CFAP69: variants seen among roughly 807,000 people sequenced by gnomAD.
CFAP69 encodes the protein cilia- and flagella-associated protein 69.
Under a neutral mutation model 123.0 loss-of-function variants are expected in CFAP69, and 92 were observed. The ratio of observed to expected loss-of-function variants is 0.75; its 90% CI spans 0.63 to 0.89. The LOEUF (loss-of-function observed/expected upper bound fraction) is 0.89, where lower values mean the gene tolerates loss of function less well. CFAP69 is among the 40% of genes least tolerant of loss of function. CFAP69 has a pLI of 0.00. For synonymous variants in CFAP69, 380 were observed against 364.3 expected, an observed-to-expected ratio of 1.04 and a Z score of -0.49; for missense variants, 1,067 against 1,096.9, an observed-to-expected ratio of 0.97 and a Z score of 0.39.
intron 4 of CFAP69, among the ~76,000 whole-genome samples, chr7:90,262,408 T>C (rs1798454611): frequency 6.6e-6 from 1 of 152,164 alleles, no homozygotes; most frequent in African/African-American, 2.4e-5. Context: ...TTTTTCTCTG[T>C]CTTTAGAAAA....
At chr7:90,273,280 A>G (rs1449954889) in intron 8 of CFAP69, among the ~76,000 whole-genome samples, 1 of 152,184 alleles carries the variant, frequency 6.6e-6, no homozygotes, top group East Asian at 1.9e-4. Context: ...ACAGGCTACA[A>G]TGGTGAGAGA....
chr7:90,249,245 G>T (rs1796685937), intron 1 of CFAP69, among the ~76,000 whole-genome samples: 1 of 150,868 alleles, frequency 6.6e-6, no homozygotes, highest in Non-Finnish European at 1.5e-5. Flanking sequence ...CTTCCTCTTT[G>T]CTCTCTCTCT....
intron 6 of CFAP69, chr7:90,270,025 A>G (rs1449610520): frequency 6.6e-6 from 1 of 152,168 alleles, no homozygotes; most frequent in Admixed American, 6.6e-5. Flanking sequence ...AAAAAGGAGT[A>G]TTATGGGGCA....
At chr7:90,273,517 G>A (rs1241269635) in intron 8 of CFAP69, among the ~76,000 whole-genome samples, 1 of 152,146 alleles carries the variant, frequency 6.6e-6, no homozygotes, top group Non-Finnish European at 1.5e-5. Flanking sequence ...ATTTGGAAGT[G>A]TAAAAAATAT....
At chr7:90,292,300 A>G (rs1791321024) in intron 15 of CFAP69, among the ~76,000 whole-genome samples, 1 of 152,112 alleles carries the variant, frequency 6.6e-6, no homozygotes. Context: ...AGGTCCCAAG[A>G]TAACTTGGGG....
chr7:90,307,114 A>G lies in CFAP69; in HGVS notation c.2463+16A>G, dbSNP rs1173777587. 6.3e-7 allele frequency: 1 copy of G among 1,597,492 alleles called. No homozygotes were observed. ...ATATGCAAAAGTAAGCTACATAGGT[A>G]GTGAGGAGGGAGAATGAAGATAGGT... On this transcript the variant is annotated intron_variant, in intron 20 of 22. Coordinates refer to ENST00000389297, the MANE Select transcript of CFAP69 (RefSeq NM_001039706.3).
rs1374702276 is a variant in CFAP69, at chr7:90,310,821, AGG to A, written c.*585_*586del. 1 of 152,278 alleles carries A rather than the reference AGG, an allele frequency of 6.6e-6. No individual in the cohort carries two copies. Among genetic ancestry groups the A allele is most frequent in the East Asian group, 1.9e-4 (1 of 5,202 alleles). The allele number at this position is 152,278 out of a possible 1,614,324, so 9.4% of individuals were successfully genotyped here. A position where few individuals can be genotyped will look rare whatever the true frequency, so the allele number is the denominator to read the frequency against. On this transcript the variant is annotated 3_prime_UTR_variant, in exon 23 of 23. Transcript: ENST00000389297. ...ACTGCCTATTCCTGGAGCCAGAAGC[AGG>A]GCAACTCCATCCAAAACATATGGAT...
intron 1 of CFAP69, among the ~76,000 whole-genome samples, chr7:90,247,920 G>A (rs1796530266): frequency 6.6e-6 from 1 of 152,174 alleles, no homozygotes. Context: ...AACTTATAGA[G>A]AGACCTATAT....
At position 90,258,095 on chromosome 7, in the gene CFAP69, T is replaced by C; in HGVS notation, c.181-3T>C. ...AAGAACTAAAATAGGTGATCTGTTTTAGGATGGCTTGGAAGAAAAACAACT... is the reference window on the plus strand; with the variant it reads ...AAGAACTAAAATAGGTGATCTGTTTCAGGATGGCTTGGAAGAAAAACAACT... On this transcript the variant is annotated splice_polypyrimidine_tract_variant and splice_region_variant and intron_variant, in intron 2 of 22. Coordinates refer to ENST00000389297, the MANE Select transcript of CFAP69 (RefSeq NM_001039706.3). The C allele has an allele frequency of 6.2e-7, 1 of 1,610,304 alleles. No individual in the cohort carries two copies. The highest frequency in any genetic ancestry group is 1.7e-4 in the Middle Eastern group (1 of 5,738).
intron 1 of CFAP69, among the ~76,000 whole-genome samples, chr7:90,250,223 AGAGAGAGAGAGAC>A (rs1562832534): frequency 5.8e-5 from 7 of 121,478 alleles, no homozygotes; most frequent in African/African-American, 2.2e-4. Flanking sequence ...AGAGAGAGAG[AGAGAGAGAGAGAC>A]TCCTTGGTTG....
chr7:90,304,334 A>G (rs1401982089), intron 18 of CFAP69: 2 of 1,277,932 alleles, frequency 1.6e-6, no homozygotes, highest in African/African-American at 1.5e-5. Flanking sequence ...AGGCAATTCC[A>G]ATGTGCAGAT....
intron 17 of CFAP69, 111 bp from the exon 18 acceptor site, chr7:90,303,858 A>G (rs1236085095): frequency 7.7e-7 from 1 of 1,304,588 alleles, no homozygotes; most frequent in Non-Finnish European, 9.9e-7. Context: ...TTTTTTTGCT[A>G]CAATATTTTT....
chr7:90,323,357 A>C, the CFAP69 span, among the ~76,000 whole-genome samples: 7 of 152,298 alleles, frequency 4.6e-5, no homozygotes, highest in Middle Eastern at 3.4e-3. Context: ...AAAGAATCAG[A>C]ATATGGAAAA....
chr7:90,265,432 A>G, intron 5 of CFAP69, 55 bp downstream of exon 5: 1 of 1,158,818 alleles, frequency 8.6e-7, no homozygotes, highest in Admixed American at 2.0e-5. Flanking sequence ...GGTCCTACTG[A>G]CAAGGGAATA....
At chr7:90,248,343 G>T (rs936324828) in intron 1 of CFAP69, among the ~76,000 whole-genome samples, 3 of 152,174 alleles carry the variant, frequency 2.0e-5, no homozygotes, top group Non-Finnish European at 1.5e-5. Context: ...CAGGTAAAAT[G>T]TACGGGTTAT....
chr7:90,295,211 G>A (rs1162945174), intron 15 of CFAP69, among the ~76,000 whole-genome samples: 2 of 152,174 alleles, frequency 1.3e-5, no homozygotes, highest in East Asian at 1.9e-4. Context: ...CCCATTCTTA[G>A]CCAAAAGGGA....
In CFAP69 at chr7:90,292,894, A is replaced by G. The variant is rs749085020; in HGVS notation, c.1775+4542A>G. On this transcript the variant is annotated intron_variant, in intron 15 of 22. Transcript: ENST00000389297. ...ATCTCCAAAGTTATCAGAAACCTGC[A>G]TTTAAGAATACCTGTTAGAGTTCTA... Among the ~76,000 whole-genome samples, 126 of 152,208 alleles carry G rather than the reference A, an allele frequency of 8.3e-4. 2 individuals are homozygous for G. Among genetic ancestry groups the G allele is most frequent in the Middle Eastern group, 3.2e-3 (1 of 316 alleles).
intron 1 of CFAP69, among the ~76,000 whole-genome samples, chr7:90,248,442 C>T (rs1299202973): frequency 6.6e-6 from 1 of 152,080 alleles, no homozygotes; most frequent in Non-Finnish European, 1.5e-5. Context: ...TTGTAAAAGG[C>T]AATAGCGCCT....
chr7:90,310,552 T>C lies in CFAP69; in HGVS notation c.*314T>C. On this transcript the variant is annotated 3_prime_UTR_variant, in exon 23 of 23. Coordinates refer to ENST00000389297, the MANE Select transcript of CFAP69 (RefSeq NM_001039706.3). Reference sequence around the variant, plus strand: ...ACTAGTTTAAGTCAGAAAAAAAATTTCTTACAGGCTCTATACCTATCAAAT... The same window carrying C: ...ACTAGTTTAAGTCAGAAAAAAAATTCCTTACAGGCTCTATACCTATCAAAT... 1 of 163,552 alleles carries C rather than the reference T, an allele frequency of 6.1e-6. No homozygotes were observed. Among genetic ancestry groups the C allele is most frequent in the Non-Finnish European group, 1.3e-5 (1 of 76,370 alleles). 10.1% of individuals were successfully genotyped at this position (163,552 alleles called of 1,614,324 possible).
Sources: gnomAD v4.1 joint callset for allele counts (sites outside exome capture counted in the v4.1 genomes callset) on GRCh38, gnomAD v4.1.1 for gene constraint, MANE v1.5 for transcripts, NCBI Gene and HGNC (gene_info 2026-07-23, HGNC 2026-07-21) for gene names.